TCF4: variants seen among roughly 807,000 people sequenced by gnomAD.
TCF4 encodes transcription factor 4.
A neutral mutation model predicts 82.1 loss-of-function variants in TCF4; 3 were observed. That is an observed-to-expected ratio of 0.04 (90% CI 0.02 to 0.09). The LOEUF is 0.09. Among genes scored for constraint, TCF4 ranks in the 10% least tolerant of loss-of-function variants. The probability of loss-of-function intolerance (pLI) is 1.00; values close to 1 mark genes in which losing one functional copy is unlikely to be tolerated. For synonymous variants in TCF4, 276 were observed against 309.6 expected (o/e 0.89, Z 1.14); for missense variants, 518 against 852.7 (o/e 0.61, Z 4.89).
chr18:55,393,795 T>C (rs1207634803), intron 6 of TCF4, among the ~76,000 whole-genome samples: 1 of 152,190 alleles, frequency 6.6e-6, no homozygotes, highest in Non-Finnish European at 1.5e-5. Flanking sequence ...AAATAACATA[T>C]TTAGTGATTT....
chr18:55,578,815 T>C (rs2097551192), intron 3 of TCF4, among the ~76,000 whole-genome samples: 2 of 152,042 alleles, frequency 1.3e-5, no homozygotes, highest in African/African-American at 4.8e-5. Context: ...CTACATATAG[T>C]AATTACCACC....
intron 5 of TCF4, among the ~76,000 whole-genome samples, chr18:55,435,669 C>T (rs1232990262): frequency 6.6e-6 from 1 of 152,200 alleles, no homozygotes; most frequent in African/African-American, 2.4e-5. Context: ...ATGCACAGTC[C>T]TCTCTCTACT....
At chr18:55,497,674 TGAG>T (rs1210787459) in intron 3 of TCF4, among the ~76,000 whole-genome samples, 7 of 152,238 alleles carry the variant, frequency 4.6e-5, no homozygotes, top group Non-Finnish European at 8.8e-5. Flanking sequence ...GAGGAATGTT[TGAG>T]TTCATGTAAA....
rs2097723571 is a variant in TCF4, at chr18:55,623,501, A to T, written c.286+7797T>A. On this transcript the variant is annotated intron_variant, in intron 2 of 20. Transcript: ENST00000398339. ...TTTACAACATTCAAATCATCTTGCA[A>T]TGGAAGTATGAATTTTATTACATCA... is the stretch of plus-strand genomic sequence containing the variant. Among the ~76,000 whole-genome samples, 3 of 152,218 alleles carry T rather than the reference A, an allele frequency of 2.0e-5. No individual in the cohort carries two copies. The South Asian group carries it at 6.2e-4, about 31-fold the overall frequency.
chr18:55,389,223 A>C (rs1257668476), intron 6 of TCF4, among the ~76,000 whole-genome samples: 1 of 152,230 alleles, frequency 6.6e-6, no homozygotes, highest in East Asian at 1.9e-4. Flanking sequence ...ATAGTAAGTT[A>C]CATGCTCACA....
At chr18:55,399,034 G>T (rs529352622) in intron 6 of TCF4, among the ~76,000 whole-genome samples, 1 of 152,162 alleles carries the variant, frequency 6.6e-6, no homozygotes, top group African/African-American at 2.4e-5. Context: ...TTCTGCTTGC[G>T]CAAGGCCTAA....
chr18:55,545,668 T>C (rs2097200218), intron 3 of TCF4, among the ~76,000 whole-genome samples: 1 of 152,176 alleles, frequency 6.6e-6, no homozygotes, highest in African/African-American at 2.4e-5. Flanking sequence ...CAGGCTGGTC[T>C]TGAACTCCTG....
chr18:55,617,287 G>A (rs2097713081), intron 2 of TCF4, among the ~76,000 whole-genome samples: 1 of 151,862 alleles, frequency 6.6e-6, no homozygotes. Context: ...CTGTTCTATT[G>A]GTCTATAGAT....
chr18:55,609,364 GA>G (rs2097705079), intron 2 of TCF4, among the ~76,000 whole-genome samples: 1 of 152,130 alleles, frequency 6.6e-6, no homozygotes, highest in Non-Finnish European at 1.5e-5. Flanking sequence ...AATAGTCTAG[GA>G]GTGTCCTTCA....
chr18:55,530,076 T>C (rs1040049761), intron 3 of TCF4, among the ~76,000 whole-genome samples: 6 of 152,190 alleles, frequency 3.9e-5, no homozygotes, highest in African/African-American at 1.2e-4. Flanking sequence ...TGTAACTGAT[T>C]AGGGCAAAAT....
At chr18:55,243,231 C>T (rs2051914374) in intron 15 of TCF4, among the ~76,000 whole-genome samples, 1 of 152,176 alleles carries the variant, frequency 6.6e-6, no homozygotes, top group East Asian at 1.9e-4. Context: ...AAGAAGCAAG[C>T]AGCTAAGGAC....
At chr18:55,326,815 G>A (rs1454651300) in intron 8 of TCF4, among the ~76,000 whole-genome samples, 1 of 152,150 alleles carries the variant, frequency 6.6e-6, no homozygotes, top group East Asian at 1.9e-4. Flanking sequence ...TAAGGCTGAT[G>A]TTTAGTTAGT....
chr18:55,533,234 G>C (rs923885990), intron 3 of TCF4, among the ~76,000 whole-genome samples: 4 of 152,158 alleles, frequency 2.6e-5, no homozygotes, highest in Non-Finnish European at 4.4e-5. Flanking sequence ...TATGGCTGCA[G>C]GGCATGCAAC....
chr18:55,237,234 C>T (rs984868263), intron 15 of TCF4, among the ~76,000 whole-genome samples: 1 of 152,084 alleles, frequency 6.6e-6, no homozygotes, highest in Non-Finnish European at 1.5e-5. Context: ...TCTTCAGTTA[C>T]GGTGATCTTT....
At chr18:55,635,678 A>C (rs1013092800) in intron 1 of TCF4, 5 of 1,540,846 alleles carry the variant, frequency 3.2e-6, no homozygotes, top group Non-Finnish European at 4.4e-6. Context: ...TAAGATGCTA[A>C]AGTAGCCCAA....
chr18:55,597,643 G>A (rs1307356945), intron 2 of TCF4, among the ~76,000 whole-genome samples: 1 of 151,694 alleles, frequency 6.6e-6, no homozygotes, highest in African/African-American at 2.4e-5. Context: ...CTCCAGCCTG[G>A]GTGACAAAGC....
chr18:55,543,930 G>GT (rs910955031), intron 3 of TCF4, among the ~76,000 whole-genome samples: 3 of 151,406 alleles, frequency 2.0e-5, no homozygotes, highest in African/African-American at 7.3e-5. Context: ...AGTCTGGTAA[G>GT]TTTTTTTTTC....
intron 6 of TCF4, among the ~76,000 whole-genome samples, chr18:55,369,774 T>G (rs181694991): frequency 6.6e-6 from 1 of 152,352 alleles, no homozygotes; most frequent in East Asian, 1.9e-4. Flanking sequence ...ATGTATTCAT[T>G]AAATGTTTAT....
chr18:55,502,693 T>C (rs1345041988), intron 3 of TCF4, among the ~76,000 whole-genome samples: 1 of 152,350 alleles, frequency 6.6e-6, no homozygotes, highest in East Asian at 1.9e-4. Context: ...TACTATTTTA[T>C]TGAGGTATCT....
Sources: gnomAD v4.1 joint callset for allele counts (sites outside exome capture counted in the v4.1 genomes callset) on GRCh38, gnomAD v4.1.1 for gene constraint, MANE v1.5 for transcripts, NCBI Gene and HGNC (gene_info 2026-07-23, HGNC 2026-07-21) for gene names.